The following MOXD1 variants were observed in gnomAD, a reference collection of about 807,000 sequenced individuals.
The protein encoded by MOXD1 is monooxygenase DBH like 1, also known as DBH-like monooxygenase protein 1.
A neutral mutation model predicts 66.6 loss-of-function variants in MOXD1; 62 were observed. The observed-to-expected ratio is 0.93, with a 90% CI of 0.76 to 1.15. The LOEUF is 1.15. MOXD1 is among the 50% of genes most tolerant of loss of function. The pLI is 0.00. For missense variants in MOXD1, 847 were observed against 754.6 expected (o/e 1.12, Z -1.44); for synonymous variants, 303 against 281.9 (o/e 1.07, Z -0.75).
intron 1 of MOXD1, among the ~76,000 whole-genome samples, chr6:132,375,366 A>C (rs546690016): frequency 6.6e-6 from 1 of 152,350 alleles, no homozygotes; most frequent in South Asian, 2.1e-4. Flanking sequence ...TTGAAAAACT[A>C]GGGAAGTTTT....
intron 4 of MOXD1, among the ~76,000 whole-genome samples, chr6:132,333,994 C>T (rs932791715): frequency 6.6e-6 from 1 of 152,186 alleles, no homozygotes; most frequent in Non-Finnish European, 1.5e-5. Flanking sequence ...CAACAATAAA[C>T]AGTTGCTCAA....
chr6:132,305,401 C>T (rs557491987), intron 10 of MOXD1, among the ~76,000 whole-genome samples: 26 of 152,382 alleles, frequency 1.7e-4, no homozygotes, highest in Middle Eastern at 3.4e-3. Flanking sequence ...GGGGTGGCTG[C>T]AGCCTCTGTG....
intron 1 of MOXD1, among the ~76,000 whole-genome samples, chr6:132,397,573 G>C (rs1431019007): frequency 2.0e-5 from 3 of 149,714 alleles, no homozygotes; most frequent in African/African-American, 7.4e-5. Flanking sequence ...CCAGTATTTA[G>C]TAATTAGATT....
intron 4 of MOXD1, among the ~76,000 whole-genome samples, chr6:132,351,353 G>A (rs1014985217): frequency 6.6e-6 from 1 of 152,102 alleles, no homozygotes; most frequent in African/African-American, 2.4e-5. Context: ...ATCGTAAAGG[G>A]ATGCCAGATT....
chr6:132,318,439 T>A (rs1268722160), intron 9 of MOXD1, among the ~76,000 whole-genome samples: 2 of 152,092 alleles, frequency 1.3e-5, no homozygotes. Context: ...AAATTGAGCA[T>A]CTTTTCATAT....
chr6:132,387,751 T>C (rs1207582960), intron 1 of MOXD1, among the ~76,000 whole-genome samples: 1 of 69,516 alleles, frequency 1.4e-5, no homozygotes, highest in East Asian at 3.3e-4. Context: ...AAACTCCATC[T>C]AAAAAAAAAA....
intron 1 of MOXD1, among the ~76,000 whole-genome samples, chr6:132,394,688 TAAAGTTTCAACAACAGACTAGATGAAGCA>T (rs1776835644): frequency 6.6e-6 from 1 of 152,094 alleles, no homozygotes; most frequent in Non-Finnish European, 1.5e-5. Context: ...AAATACATTC[TAAAGTTTCAACAACAGACTAGATGAAGCA>T]AAAGAATCTC....
chr6:132,362,345 C>T (rs974878019), intron 4 of MOXD1, among the ~76,000 whole-genome samples: 1 of 152,074 alleles, frequency 6.6e-6, no homozygotes. Context: ...TCACTTAGAA[C>T]AACTTCTCAG....
chr6:132,347,900 T>G (rs533720691), intron 4 of MOXD1, among the ~76,000 whole-genome samples: 49 of 152,204 alleles, frequency 3.2e-4, no homozygotes, highest in African/African-American at 1.1e-3. Flanking sequence ...TTTTTTTTTC[T>G]TATTCTCCAT....
intron 4 of MOXD1, among the ~76,000 whole-genome samples, chr6:132,348,221 T>C (rs539751461): frequency 6.6e-6 from 1 of 152,380 alleles, no homozygotes; most frequent in Non-Finnish European, 1.5e-5. Flanking sequence ...TATTAATCTT[T>C]GGGTTTATTT....
chr6:132,318,674 A>G (rs571710196), intron 9 of MOXD1, among the ~76,000 whole-genome samples: 1 of 152,166 alleles, frequency 6.6e-6, no homozygotes, highest in Admixed American at 6.5e-5. Flanking sequence ...GACGTAGTCA[A>G]ATTTGTTAAT....
At chr6:132,366,473 A>C (rs1776144244) in intron 4 of MOXD1, among the ~76,000 whole-genome samples, 1 of 151,690 alleles carries the variant, frequency 6.6e-6, no homozygotes, top group Non-Finnish European at 1.5e-5. Context: ...CAGGCTGACA[A>C]CAAACCAAAA....
chr6:132,342,924 T>A (rs55998613), intron 4 of MOXD1, among the ~76,000 whole-genome samples: 6,978 of 152,204 alleles, frequency 0.046, 508 homozygotes, highest in African/African-American at 0.15. Context: ...TAGATGCACA[T>A]GTACTAACAT....
chr6:132,314,207 T>C (rs1408558150), intron 10 of MOXD1, among the ~76,000 whole-genome samples: 5 of 152,212 alleles, frequency 3.3e-5, no homozygotes, highest in Non-Finnish European at 7.3e-5. Context: ...TACTCTGCTC[T>C]ATCCCTCACT....
chr6:132,370,368 G>A (rs1415114204), intron 4 of MOXD1, among the ~76,000 whole-genome samples: 1 of 151,858 alleles, frequency 6.6e-6, no homozygotes, highest in East Asian at 1.9e-4. Flanking sequence ...AATGAAAACT[G>A]GTTTTGAAAG....
chr6:132,300,571 G>T (rs182505128), intron 10 of MOXD1, among the ~76,000 whole-genome samples: 3 of 152,260 alleles, frequency 2.0e-5, no homozygotes, highest in Admixed American at 2.0e-4. Context: ...TAAAGCCTCT[G>T]GTGCCCCGCT....
intron 10 of MOXD1, among the ~76,000 whole-genome samples, chr6:132,303,883 AT>A (rs1774628237): frequency 4.3e-5 from 2 of 46,846 alleles, no homozygotes; most frequent in East Asian, 3.0e-3. Context: ...ATATATACAT[AT>A]ATACATAAAA....
intron 4 of MOXD1, among the ~76,000 whole-genome samples, chr6:132,361,240 C>G (rs1776012161): frequency 1.3e-5 from 2 of 151,302 alleles, no homozygotes; most frequent in African/African-American, 4.9e-5. Flanking sequence ...AAGAAATTAC[C>G]CCTTCTATCT....
intron 10 of MOXD1, among the ~76,000 whole-genome samples, chr6:132,314,762 C>T (rs1774905231): frequency 6.6e-6 from 1 of 152,182 alleles, no homozygotes; most frequent in South Asian, 2.1e-4. Flanking sequence ...ACTTCCTTCA[C>T]TGTTTTGTCT....
Sources: gnomAD v4.1 joint callset for allele counts (sites outside exome capture counted in the v4.1 genomes callset) on GRCh38, gnomAD v4.1.1 for gene constraint, MANE v1.5 for transcripts, NCBI Gene and HGNC (gene_info 2026-07-23, HGNC 2026-07-21) for gene names.